Variants in SLIT1 observed in about 807,000 individuals in gnomAD.
SLIT1 encodes the protein slit homolog 1 protein.
Under a neutral mutation model 186.1 loss-of-function variants are expected in SLIT1, and 66 were observed. The observed-to-expected ratio is 0.35, with a 90% confidence interval of 0.29 to 0.44. The LOEUF is 0.44. SLIT1 is among the 20% of genes least tolerant of loss of function. The pLI, the probability that SLIT1 is intolerant of heterozygous loss-of-function variation, is 1.00. For synonymous variants in SLIT1, 761 were observed against 833.8 expected, an observed-to-expected ratio of 0.91 and a Z score of 1.50; for missense variants, 1,638 against 2,037.4, an observed-to-expected ratio of 0.80 and a Z score of 3.77.
At chr10:97,099,815 G>T (rs1267974143) in intron 4 of SLIT1, among the ~76,000 whole-genome samples, 1 of 152,200 alleles carries the variant, frequency 6.6e-6, no homozygotes, top group Non-Finnish European at 1.5e-5. Context: ...TGGTTACCAT[G>T]AAATGGAATT....
intron 36 of SLIT1, 101 bp from the exon 37 acceptor site, chr10:97,001,451 G>C (rs1348746990): frequency 1.2e-6 from 1 of 867,204 alleles, no homozygotes; most frequent in African/African-American, 1.7e-5. Context: ...GGCAGCATCT[G>C]TGGGGTGGAT....
At chr10:97,165,121 T>C (rs1032917506) in intron 1 of SLIT1, among the ~76,000 whole-genome samples, 2 of 152,174 alleles carry the variant, frequency 1.3e-5, no homozygotes, top group African/African-American at 4.8e-5. Flanking sequence ...GGGAGTGCTG[T>C]GGAAACCAAA....
intron 4 of SLIT1, among the ~76,000 whole-genome samples, chr10:97,112,143 CTT>C (rs1849470924): frequency 6.6e-6 from 1 of 152,222 alleles, no homozygotes; most frequent in African/African-American, 2.4e-5. Context: ...TCACCTCTCT[CTT>C]GGCCTAGCTA....
chr10:97,143,764 T>C (rs2817654), intron 4 of SLIT1, among the ~76,000 whole-genome samples: 150,629 of 152,334 alleles, frequency 0.99, 74,500 homozygotes, highest in South Asian at 1. Flanking sequence ...TGAACATTAA[T>C]GCTTCATTTA....
At chr10:97,044,438 A>C (rs1353523709) in intron 18 of SLIT1, among the ~76,000 whole-genome samples, 1 of 152,126 alleles carries the variant, frequency 6.6e-6, no homozygotes, top group African/African-American at 2.4e-5. Flanking sequence ...ACCCAGCTCA[A>C]TTTCACTTGC....
chr10:97,001,170 G>A lies in SLIT1; in HGVS notation c.4547C>T (p.Thr1516Ile), dbSNP rs528749604. ...CTTTTCCACCTCCTCGGCAAAAGAG[G>A]TCCCATCGCTGCACTCAAAGGTGAA... ...RKFTFECSDGTSFAEEVEKPT... is the reference protein window; with the variant it reads ...RKFTFECSDGISFAEEVEKPT... Residue 1516 changes from threonine to isoleucine, a missense_variant, in exon 37 of 37, where the codon ACC (threonine) becomes ATC (isoleucine). Physicochemically the swap from Thr to Ile is moderately conservative, Grantham distance 89 (BLOSUM62 -1). This residue lies in a region of SLIT1 where 220 missense variants were observed against 211.3 expected (regional missense o/e 1.04). Transcript: ENST00000266058. 1.2e-6 allele frequency: 2 copies of A among 1,613,262 alleles called. No individual in the cohort carries two copies. The highest frequency in any genetic ancestry group is 1.7e-5 in the Admixed American group (1 of 60,038).
chr10:97,099,742 G>A (rs1367708886), intron 4 of SLIT1, among the ~76,000 whole-genome samples: 1 of 152,186 alleles, frequency 6.6e-6, no homozygotes, highest in Non-Finnish European at 1.5e-5. Flanking sequence ...GAAGGAGAGG[G>A]AAGCTATGGT....
rs372593157 is a variant in SLIT1, at chr10:97,047,050, A to G, written c.1650T>C (p.Asn550=). 22 of 1,592,344 alleles carry G rather than the reference A, an allele frequency of 1.4e-5. No homozygotes were observed. In the African/African-American group the frequency reaches 3.0e-4, roughly 21 times the overall value. Residue 550 remains asparagine (N), a synonymous_variant, in exon 17 of 37, where the codon AAT becomes AAC. Transcript: ENST00000266058. ...QSTAELRLNN[N]EISILEATGM... ...CAGTGGCCTCCAGGATGGAAATCTC[A>G]TTGTTATTCAATCGCCTGTAAGAGA...
At chr10:97,151,300 G>T (rs1427563386) in intron 4 of SLIT1, among the ~76,000 whole-genome samples, 5 of 148,772 alleles carry the variant, frequency 3.4e-5, no homozygotes, top group African/African-American at 1.2e-4. Context: ...GTGGGGAGGA[G>T]TTGGGAGATA....
chr10:97,074,587 A>G (rs1251167793), intron 4 of SLIT1, among the ~76,000 whole-genome samples: 1 of 152,176 alleles, frequency 6.6e-6, no homozygotes, highest in African/African-American at 2.4e-5. Flanking sequence ...AGTGGTTCCA[A>G]GTTCACACCA....
At chr10:97,041,130 T>C (rs1442974144) in intron 20 of SLIT1, among the ~76,000 whole-genome samples, 2 of 152,188 alleles carry the variant, frequency 1.3e-5, no homozygotes, top group Non-Finnish European at 2.9e-5. Context: ...ATCTTAGAAA[T>C]ATTCACATCC....
intron 4 of SLIT1, among the ~76,000 whole-genome samples, chr10:97,085,629 G>A (rs1388336788): frequency 9.2e-5 from 14 of 151,506 alleles, no homozygotes; most frequent in Admixed American, 4.6e-4. Context: ...CCCGTGATCC[G>A]CCCGCCTCAG....
At chr10:97,009,077 C>G (rs1848389035) in intron 31 of SLIT1, among the ~76,000 whole-genome samples, 1 of 151,990 alleles carries the variant, frequency 6.6e-6, no homozygotes, top group African/African-American at 2.4e-5. Flanking sequence ...TGGGGTTTCA[C>G]TGTGTTAGCC....
At position 97,047,674 on chromosome 10, in the gene SLIT1, G is replaced by A. The variant is rs756829137; in HGVS notation, c.1634+16C>T. 1.2e-6 allele frequency: 2 copies of A among 1,611,800 alleles called. No homozygotes were observed. The highest frequency in any genetic ancestry group is 1.7e-5 in the Admixed American group (1 of 60,022). Reference sequence around the variant, plus strand: ...GTTAGGGACAGGGGAGGGCTGGGGGGGCCAGGGACCCTCACAGTTCTGCCG... The same window carrying A: ...GTTAGGGACAGGGGAGGGCTGGGGGAGCCAGGGACCCTCACAGTTCTGCCG... On this transcript the variant is annotated intron_variant, in intron 16 of 36. Coordinates refer to ENST00000266058, the MANE Select transcript of SLIT1 (RefSeq NM_003061.3).
intron 13 of SLIT1, 39 bp downstream of exon 13, chr10:97,056,282 T>C (rs377393180): frequency 4.3e-6 from 7 of 1,609,456 alleles, no homozygotes; most frequent in African/African-American, 4.0e-5. Context: ...CAGGCCCACC[T>C]GCTGGGAGGG....
intron 4 of SLIT1, among the ~76,000 whole-genome samples, chr10:97,088,653 C>T (rs1353874091): frequency 6.6e-6 from 1 of 152,142 alleles, no homozygotes; most frequent in Non-Finnish European, 1.5e-5. Context: ...GCAAAGACAC[C>T]TATGTGTCAT....
Position 97,048,905 on chromosome 10 carries a change from G to A in SLIT1, c.1465+50C>T, listed in dbSNP as rs375204973. On this transcript the variant is annotated intron_variant, in intron 14 of 36. Coordinates refer to ENST00000266058, the MANE Select transcript of SLIT1 (RefSeq NM_003061.3). ...TGGACAAGTAGGCCGGTGGGCAGGT[G>A]GGCAGGCAGGTAGGTGGACAGGTGG... 108 of 1,571,368 alleles carry A rather than the reference G, an allele frequency of 6.9e-5. 1 individual carries two copies. The highest frequency in any genetic ancestry group is 5.0e-4 in the South Asian group (45 of 89,730).
chr10:97,037,347 CGCCTCAGCCTCCCAAAGTGCTGGGATT>C (rs1848649740), intron 22 of SLIT1, among the ~76,000 whole-genome samples: 1 of 151,868 alleles, frequency 6.6e-6, no homozygotes, highest in Non-Finnish European at 1.5e-5. Flanking sequence ...GTTATCCGTC[CGCCTCAGCCTCCCAAAGTGCTGGGATT>C]ACAGGTGTGA....
At chr10:97,029,913 C>T (rs1433148808) in intron 25 of SLIT1, among the ~76,000 whole-genome samples, 1 of 152,202 alleles carries the variant, frequency 6.6e-6, no homozygotes, top group East Asian at 1.9e-4. Flanking sequence ...GCTTATTTCA[C>T]CTAACATAAT....
Sources: allele counts gnomAD v4.1 joint callset (sites outside exome capture counted in the v4.1 genomes callset), GRCh38; gene constraint gnomAD v4.1.1; regional missense constraint gnomAD v4.1.1; transcripts MANE v1.5; gene names NCBI Gene and HGNC (gene_info 2026-07-23, HGNC 2026-07-21).